The following CALCR variants were observed in gnomAD, a reference collection of about 807,000 sequenced individuals.
CALCR encodes the protein calcitonin receptor.
A neutral mutation model predicts 59.5 loss-of-function variants in CALCR; 47 were observed. That is an observed-to-expected ratio of 0.79 (90% CI 0.63 to 1.01). The LOEUF (loss-of-function observed/expected upper bound fraction) is 1.01. CALCR is among the 50% of genes least tolerant of loss of function. The pLI is 0.00. For synonymous variants in CALCR, 213 were observed against 211.3 expected (o/e 1.01, Z -0.07); for missense variants, 566 against 597.1 (o/e 0.95, Z 0.54).
intron 2 of CALCR, among the ~76,000 whole-genome samples, chr7:93,562,762 T>C (rs1789777181): frequency 6.6e-6 from 1 of 152,218 alleles, no homozygotes; most frequent in African/African-American, 2.4e-5. Flanking sequence ...TCTTGGCTCT[T>C]CAATAAAGAA....
chr7:93,515,665 T>C (rs1373415866), intron 2 of CALCR, among the ~76,000 whole-genome samples: 1 of 152,004 alleles, frequency 6.6e-6, no homozygotes, highest in East Asian at 1.9e-4. Flanking sequence ...ATTTGGATCT[T>C]ATAATTGCTG....
intron 2 of CALCR, among the ~76,000 whole-genome samples, chr7:93,500,405 C>A (rs897136575): frequency 7.2e-5 from 11 of 151,886 alleles, no homozygotes; most frequent in Admixed American, 5.3e-4. Flanking sequence ...AAAAGGACAT[C>A]TGGGGTGTTG....
chr7:93,545,452 C>A (rs999247826), intron 2 of CALCR, among the ~76,000 whole-genome samples: 3 of 151,996 alleles, frequency 2.0e-5, no homozygotes, highest in African/African-American at 7.3e-5. Context: ...CGTGGTATGT[C>A]CTCATATTAG....
chr7:93,426,721 C>A (rs1455169336), intron 13 of CALCR, 132 bp from the exon 14 acceptor site: 1 of 545,606 alleles, frequency 1.8e-6, no homozygotes, highest in Non-Finnish European at 3.2e-6. Context: ...AAGGGCTGGG[C>A]TGTGTATGCT....
intron 2 of CALCR, among the ~76,000 whole-genome samples, chr7:93,524,747 TC>T (rs1211116161): frequency 1.3e-5 from 2 of 152,184 alleles, no homozygotes; most frequent in African/African-American, 4.8e-5. Context: ...AATATCTGTA[TC>T]TATAATCCTT....
intron 9 of CALCR, 107 bp from the exon 10 acceptor site, chr7:93,438,377 T>C: frequency 1.2e-6 from 1 of 817,552 alleles, no homozygotes; most frequent in Non-Finnish European, 2.1e-6. Flanking sequence ...GCAAATTGAG[T>C]GCATCTGTCA....
At chr7:93,560,897 T>A (rs1273998544) in intron 2 of CALCR, among the ~76,000 whole-genome samples, 2 of 152,180 alleles carry the variant, frequency 1.3e-5, no homozygotes, top group East Asian at 3.9e-4. Flanking sequence ...ACTCATGCTT[T>A]AATCTGAGTT....
At chr7:93,527,101 A>T (rs573177356) in intron 2 of CALCR, among the ~76,000 whole-genome samples, 1 of 151,870 alleles carries the variant, frequency 6.6e-6, no homozygotes, top group Non-Finnish European at 1.5e-5. Context: ...TATATATGAA[A>T]AGTAGCTTTA....
intron 2 of CALCR, among the ~76,000 whole-genome samples, chr7:93,524,566 C>T (rs1270189974): frequency 2.0e-5 from 3 of 151,920 alleles, no homozygotes; most frequent in Non-Finnish European, 4.4e-5. Context: ...TTATTATTAG[C>T]TTAATTTCTG....
chr7:93,560,770 TAA>T (rs536414760), intron 2 of CALCR, among the ~76,000 whole-genome samples: 40 of 152,218 alleles, frequency 2.6e-4, no homozygotes, highest in African/African-American at 9.6e-4. Flanking sequence ...ATAGTGAAGA[TAA>T]AGTTTGGGAT....
intron 2 of CALCR, among the ~76,000 whole-genome samples, chr7:93,538,548 A>G (rs1209176209): frequency 1.3e-5 from 2 of 151,912 alleles, no homozygotes; most frequent in African/African-American, 4.8e-5. Flanking sequence ...TTAATACTGA[A>G]ATCATTCTGT....
intron 2 of CALCR, among the ~76,000 whole-genome samples, chr7:93,502,454 GT>G (rs1801338247): frequency 6.6e-6 from 1 of 151,998 alleles, no homozygotes; most frequent in Non-Finnish European, 1.5e-5. Flanking sequence ...TTGAAAATAA[GT>G]TGTCAATGAT....
At chr7:93,564,257 G>C (rs1789810020) in intron 2 of CALCR, among the ~76,000 whole-genome samples, 1 of 152,054 alleles carries the variant, frequency 6.6e-6, no homozygotes, top group Non-Finnish European at 1.5e-5. Context: ...GTGTGGGGGG[G>C]GACAGAGTGC....
In CALCR at chr7:93,479,352, AC is replaced by A. The variant is rs1562990053; in HGVS notation, c.205+1del. ...TATGTTCATATATATCCTTCTCTTT[AC>A]CTTCTCCTTGGTATGCGGGTAACTG... On this transcript the variant is annotated splice_donor_variant, in intron 4 of 13. Coordinates refer to ENST00000426151, the MANE Select transcript of CALCR (RefSeq NM_001742.4). LOFTEE classifies it high-confidence loss of function. 6.2e-7 allele frequency: 1 copy of A among 1,605,436 alleles called. No individual in the cohort carries two copies. The highest frequency in any genetic ancestry group is 8.5e-7 in the Non-Finnish European group (1 of 1,176,324).
At chr7:93,511,962 T>C (rs1801556236) in intron 2 of CALCR, among the ~76,000 whole-genome samples, 1 of 152,162 alleles carries the variant, frequency 6.6e-6, no homozygotes, top group Admixed American at 6.6e-5. Flanking sequence ...TGGAGGTTAC[T>C]ATCAGATCCC....
intron 2 of CALCR, among the ~76,000 whole-genome samples, chr7:93,552,713 T>C (rs1254617795): frequency 6.6e-6 from 1 of 152,164 alleles, no homozygotes; most frequent in South Asian, 2.1e-4. Flanking sequence ...TAGCATTATC[T>C]CCAAACATGA....
At chr7:93,427,525 G>C (rs936294085) in intron 13 of CALCR, among the ~76,000 whole-genome samples, 7 of 152,108 alleles carry the variant, frequency 4.6e-5, no homozygotes, top group African/African-American at 1.4e-4. Flanking sequence ...TACATCCTTA[G>C]TTCATTCTGC....
chr7:93,557,039 G>A (rs1789625332), intron 2 of CALCR, among the ~76,000 whole-genome samples: 1 of 151,840 alleles, frequency 6.6e-6, no homozygotes, highest in African/African-American at 2.4e-5. Flanking sequence ...TTGGCCATTT[G>A]GTTCATCTCC....
intron 6 of CALCR, among the ~76,000 whole-genome samples, chr7:93,470,226 G>T (rs1418770444): frequency 6.6e-6 from 1 of 150,518 alleles, no homozygotes; most frequent in East Asian, 2.0e-4. Flanking sequence ...AAATCTTCAG[G>T]TAGCTTTCTT....
Sources: allele counts gnomAD v4.1 joint callset (sites outside exome capture counted in the v4.1 genomes callset), GRCh38; gene constraint gnomAD v4.1.1; transcripts MANE v1.5; gene names NCBI Gene and HGNC (gene_info 2026-07-23, HGNC 2026-07-21).